PLD1: variants seen among roughly 807,000 people sequenced by gnomAD.
The protein encoded by PLD1 is phospholipase D1.
In PLD1, 112 loss-of-function variants were observed where a neutral mutation model predicts 137.1. That is an observed-to-expected ratio of 0.82 (90% CI 0.70 to 0.96). The LOEUF (loss-of-function observed/expected upper bound fraction) is 0.96, where lower values mean the gene tolerates loss of function less well. Among genes scored for constraint, PLD1 ranks in the 40% least tolerant of loss-of-function variants. The pLI is 0.00. For missense variants in PLD1, 1,321 were observed against 1,342.0 expected, an observed-to-expected ratio of 0.98 and a Z score of 0.24; for synonymous variants, 431 against 454.7, an observed-to-expected ratio of 0.95 and a Z score of 0.66.
chr3:171,604,332 AAG>A (rs1491454824), intron 26 of PLD1, among the ~76,000 whole-genome samples: 2 of 150,798 alleles, frequency 1.3e-5, no homozygotes, highest in Non-Finnish European at 2.9e-5. Context: ...AAAAAAAAAA[AAG>A]GAAAGAAAGA....
At chr3:171,626,497 G>A (rs9818812) in intron 23 of PLD1, among the ~76,000 whole-genome samples, 26,520 of 152,062 alleles carry the variant, frequency 0.17, 2,409 homozygotes, top group South Asian at 0.24. Flanking sequence ...AGGAAATACA[G>A]AGAACGCCAC....
intron 23 of PLD1, among the ~76,000 whole-genome samples, chr3:171,626,239 A>G (rs1193135876): frequency 2.0e-5 from 3 of 152,264 alleles, no homozygotes; most frequent in African/African-American, 7.2e-5. Flanking sequence ...ATCAACTGGA[A>G]GAAAGGGTAT....
chr3:171,779,584 C>T (rs2108339577), intron 1 of PLD1, among the ~76,000 whole-genome samples: 1 of 152,196 alleles, frequency 6.6e-6, no homozygotes, highest in Non-Finnish European at 1.5e-5. Flanking sequence ...AAGTTTGAGG[C>T]TTGGATACAT....
At chr3:171,723,874 A>G (rs2108237553) in intron 8 of PLD1, among the ~76,000 whole-genome samples, 1 of 152,164 alleles carries the variant, frequency 6.6e-6, no homozygotes, top group South Asian at 2.1e-4. Context: ...TCAGATAGGT[A>G]GTTTGTAGGT....
chr3:171,617,961 C>T (rs1733258242), intron 24 of PLD1, among the ~76,000 whole-genome samples: 1 of 152,030 alleles, frequency 6.6e-6, no homozygotes, highest in Non-Finnish European at 1.5e-5. Flanking sequence ...GAATTTTAAA[C>T]ACTGTTTTCT....
At position 171,764,954 on chromosome 3, in the gene PLD1, GAAA is replaced by G. The variant is rs1560289661; in HGVS notation, c.-31-26875_-31-26873del. On this transcript the variant is annotated intron_variant, in intron 1 of 26. Coordinates refer to ENST00000351298, the MANE Select transcript of PLD1 (RefSeq NM_002662.5). ...GAAAGGAAAGAAAGAAAGAAAGAAA[GAAA>G]GAAAGAAAGAAAGAAAGAAAGAAAG... is the stretch of plus-strand genomic sequence containing the variant. Among the ~76,000 whole-genome samples the G allele has an allele frequency of 5.1e-3, 246 of 48,674 alleles. 25 individuals are homozygous for G. The highest frequency in any genetic ancestry group is 7.8e-3 in the East Asian group (17 of 2,182). 31.9% of individuals were successfully genotyped at this position (48,674 alleles called of 152,430 possible). A position where few individuals can be genotyped will look rare whatever the true frequency, so the allele number is the denominator to read the frequency against.
chr3:171,611,667 C>T (rs140590060), intron 25 of PLD1: 98 of 518,514 alleles, frequency 1.9e-4, no homozygotes, highest in African/African-American at 1.7e-3. Flanking sequence ...TTAAATTTTA[C>T]ACCAGCAGTC....
chr3:171,645,010 A>G lies in PLD1; in HGVS notation c.2443T>C (p.Tyr815His). 1 of 1,612,208 alleles carries G rather than the reference A, an allele frequency of 6.2e-7. No homozygotes were observed. The highest frequency in any genetic ancestry group is 8.5e-7 in the Non-Finnish European group (1 of 1,178,264). ...AGTGGTATCACGACATATACCCGGT[A>G]TTTCTGGTTTTCCCTGCAAAGGTCA... ...ILKAHRENQK[Y>H]RVYVVIPLLP... Residue 815 changes from tyrosine to histidine, a missense_variant, in exon 22 of 27, where the codon TAC (tyrosine) becomes CAC (histidine). By Grantham distance (83) the Tyr-to-His change is moderately conservative (BLOSUM62 2). Transcript: ENST00000351298.
Position 171,618,720 on chromosome 3 carries a change from A to ATGTGTG in PLD1, c.2728+1660_2728+1665dup, listed in dbSNP as rs199668732. Among the ~76,000 whole-genome samples the ATGTGTG allele has an allele frequency of 1.2e-3, 174 of 140,750 alleles. 2 individuals are homozygous for ATGTGTG. Among genetic ancestry groups the ATGTGTG allele is most frequent in the Admixed American group, 4.8e-3 (68 of 14,144 alleles). 92.3% of individuals were successfully genotyped at this position (140,750 alleles called of 152,430 possible). On this transcript the variant is annotated intron_variant, in intron 24 of 26. Coordinates refer to ENST00000351298, the MANE Select transcript of PLD1 (RefSeq NM_002662.5). ...TGCTATACAAATATTAAAAGTGTGTATGTGTGTGTGTGTGTGTGTGTGTGT... is the reference window on the plus strand; with the variant it reads ...TGCTATACAAATATTAAAAGTGTGTATGTGTGTGTGTGTGTGTGTGTGTGTGTGTGT...
intron 1 of PLD1, among the ~76,000 whole-genome samples, chr3:171,761,422 G>T (rs1414346258): frequency 1.3e-5 from 2 of 152,096 alleles, no homozygotes; most frequent in Non-Finnish European, 2.9e-5. Context: ...GAAAACACAC[G>T]CTGGCATCTA....
chr3:171,600,913 G>A lies in PLD1; in HGVS notation c.*2165C>T, dbSNP rs561225171. The A allele has an allele frequency of 6.6e-6, 1 of 152,184 alleles. No homozygotes were observed. Among genetic ancestry groups the A allele is most frequent in the African/African-American group, 2.4e-5 (1 of 41,440 alleles). The allele number at this position is 152,184 out of a possible 1,614,324, so 9.4% of individuals were successfully genotyped here. ...CTCCTATGTGCCAAGCACTGGTCCAGGCTCTGGGGATACACTATGAACAAA... is the reference window on the plus strand; with the variant it reads ...CTCCTATGTGCCAAGCACTGGTCCAAGCTCTGGGGATACACTATGAACAAA... On this transcript the variant is annotated 3_prime_UTR_variant, in exon 27 of 27. Transcript: ENST00000351298.
rs571538714 is a variant in PLD1, at chr3:171,680,242, C to CTTTTTTTTTTTTTTTTTTTTT, written c.1868-2569_1868-2549dup. Reference sequence around the variant, plus strand: ...GTCTTTTTGTTTTCTTTTTCTTCCTCTTTTTTTTTTTTTTTTTTTTTTTTT... The same window carrying CTTTTTTTTTTTTTTTTTTTTT: ...GTCTTTTTGTTTTCTTTTTCTTCCTCTTTTTTTTTTTTTTTTTTTTTTTTTTTTTTTTTTTTTTTTTTTTTT... On this transcript the variant is annotated intron_variant, in intron 16 of 26. Coordinates refer to ENST00000351298, the MANE Select transcript of PLD1 (RefSeq NM_002662.5). Among the ~76,000 whole-genome samples the CTTTTTTTTTTTTTTTTTTTTT allele has an allele frequency of 2.9e-5, 3 of 102,928 alleles. 1 individual carries two copies. Among genetic ancestry groups the CTTTTTTTTTTTTTTTTTTTTT allele is most frequent in the African/African-American group, 8.4e-5 (2 of 23,884 alleles). 67.5% of individuals were successfully genotyped at this position (102,928 alleles called of 152,430 possible). A position where few individuals can be genotyped will look rare whatever the true frequency, so the allele number is the denominator to read the frequency against.
rs79597657 is a variant in PLD1, at chr3:171,718,547, T to G, written c.759-4502A>C. ...GGAGACTTCAGGCCAATATCCTTTATGAACATAGATGCAGAGCATCTCAAC... is the reference window on the plus strand; with the variant it reads ...GGAGACTTCAGGCCAATATCCTTTAGGAACATAGATGCAGAGCATCTCAAC... On this transcript the variant is annotated intron_variant, in intron 8 of 26. Transcript: ENST00000351298. 6.4e-3 allele frequency among the ~76,000 whole-genome samples: 971 copies of G among 152,292 alleles called. 8 individuals carry two copies. Among genetic ancestry groups the G allele is most frequent in the African/African-American group, 0.022 (929 of 41,554 alleles).
chr3:171,732,848 TC>T (rs1719055384), intron 6 of PLD1, among the ~76,000 whole-genome samples: 1 of 152,106 alleles, frequency 6.6e-6, no homozygotes, highest in Non-Finnish European at 1.5e-5. Context: ...ACCCACTCCC[TC>T]CCTGCTTGCC....
At chr3:171,728,995 C>T (rs1718737193) in intron 6 of PLD1, among the ~76,000 whole-genome samples, 1 of 152,060 alleles carries the variant, frequency 6.6e-6, no homozygotes, top group Admixed American at 6.6e-5. Context: ...GTAAATGTGT[C>T]AGGGTCAACT....
At chr3:171,804,837 C>T (rs151114853) in intron 1 of PLD1, among the ~76,000 whole-genome samples, 23 of 152,354 alleles carry the variant, frequency 1.5e-4, no homozygotes, top group African/African-American at 5.1e-4. Flanking sequence ...CCAGTGGTAA[C>T]ACACTGAGAT....
chr3:171,781,013 T>C (rs982039281), intron 1 of PLD1, among the ~76,000 whole-genome samples: 3 of 151,720 alleles, frequency 2.0e-5, no homozygotes, highest in African/African-American at 7.3e-5. Flanking sequence ...AGAGCAACCA[T>C]AAAAAAAATA....
chr3:171,784,897 G>A (rs1362917892), intron 1 of PLD1, among the ~76,000 whole-genome samples: 1 of 152,096 alleles, frequency 6.6e-6, no homozygotes, highest in African/African-American at 2.4e-5. Flanking sequence ...CCATTGTAGT[G>A]GACACCTCAC....
intron 23 of PLD1, among the ~76,000 whole-genome samples, chr3:171,622,614 T>C (rs1733732582): frequency 6.6e-6 from 1 of 151,564 alleles, no homozygotes; most frequent in South Asian, 2.1e-4. Context: ...TGATGAATAC[T>C]TTCTTAACAT....
Sources: gnomAD v4.1 joint callset for allele counts (sites outside exome capture counted in the v4.1 genomes callset) on GRCh38, gnomAD v4.1.1 for gene constraint, MANE v1.5 for transcripts, NCBI Gene and HGNC (gene_info 2026-07-23, HGNC 2026-07-21) for gene names.